Variants in SMYD3 observed in about 807,000 individuals in gnomAD.
SMYD3 encodes SET and MYND domain containing 3, also known as histone-lysine N-methyltransferase SMYD3.
Under a neutral mutation model 57.7 loss-of-function variants are expected in SMYD3, and 36 were observed. The observed-to-expected ratio is 0.62, with a 90% confidence interval of 0.48 to 0.82. SMYD3 has a LOEUF of 0.82. Among genes scored for constraint, SMYD3 ranks in the 40% least tolerant of loss-of-function variants. The pLI is 0.00. For synonymous variants in SMYD3, 211 were observed against 195.0 expected (o/e 1.08, Z -0.68); for missense variants, 515 against 538.8 (o/e 0.96, Z 0.44).
intron 5 of SMYD3, among the ~76,000 whole-genome samples, chr1:245,935,165 G>A (rs1435717432): frequency 1.3e-5 from 2 of 152,098 alleles, no homozygotes; most frequent in African/African-American, 4.8e-5. Context: ...ACGGATAAGA[G>A]GTTAATACCT....
intron 5 of SMYD3, among the ~76,000 whole-genome samples, chr1:246,152,560 G>A (rs564290313): frequency 6.6e-6 from 1 of 152,334 alleles, no homozygotes; most frequent in East Asian, 1.9e-4. Context: ...TTTACGCACT[G>A]AGTGAAGATT....
intron 10 of SMYD3, among the ~76,000 whole-genome samples, chr1:245,780,901 G>A (rs1461428254): frequency 1.3e-5 from 2 of 152,170 alleles, no homozygotes; most frequent in Non-Finnish European, 2.9e-5. Flanking sequence ...TCCATACAAT[G>A]TAAACTACTC....
intron 5 of SMYD3, among the ~76,000 whole-genome samples, chr1:246,259,312 T>G (rs1458648252): frequency 6.6e-6 from 1 of 152,226 alleles, no homozygotes; most frequent in Admixed American, 6.5e-5. Flanking sequence ...CTTGTGCTGA[T>G]TCTTTCTCAG....
At chr1:245,814,599 T>C (rs1314402954) in intron 10 of SMYD3, among the ~76,000 whole-genome samples, 1 of 152,192 alleles carries the variant, frequency 6.6e-6, no homozygotes, top group Non-Finnish European at 1.5e-5. Context: ...AACAACATCT[T>C]GATCTTCTGT....
At chr1:246,002,625 T>C (rs2059095333) in intron 5 of SMYD3, among the ~76,000 whole-genome samples, 1 of 120,052 alleles carries the variant, frequency 8.3e-6, no homozygotes, top group African/African-American at 3.1e-5. Context: ...GCTAATTTTT[T>C]GTATTTTTAG....
At chr1:246,238,891 TG>T (rs919126033) in intron 5 of SMYD3, among the ~76,000 whole-genome samples, 2 of 137,866 alleles carry the variant, frequency 1.5e-5, no homozygotes, top group African/African-American at 5.3e-5. Context: ...TTTCTTTGTT[TG>T]GTTTTTTTTT....
At position 246,335,528 on chromosome 1, in the gene SMYD3, T is replaced by C. The variant is rs941217928; in HGVS notation, c.229-54A>G. 8.4e-6 allele frequency: 12 copies of C among 1,420,408 alleles called. No individual in the cohort carries two copies. In the African/African-American group the frequency reaches 1.6e-4, roughly 18 times the overall value. The allele number at this position is 1,420,408 out of a possible 1,614,324, so 88.0% of individuals were successfully genotyped here. A position where few individuals can be genotyped will look rare whatever the true frequency, so the allele number is the denominator to read the frequency against. On this transcript the variant is annotated intron_variant, in intron 2 of 11. Transcript: ENST00000490107. ...GGTGACCTAAAATTTAACTTTCATT[T>C]ATACTGGTTTTGAACATCAAGAGTC...
intron 1 of SMYD3, among the ~76,000 whole-genome samples, chr1:246,384,052 A>G (rs1933130): frequency 0.017 from 2,619 of 152,314 alleles, 180 homozygotes; most frequent in Admixed American, 0.13. Context: ...CATTAAAAAA[A>G]AGGAGGATGG....
At chr1:246,044,543 A>G (rs965179504) in intron 5 of SMYD3, among the ~76,000 whole-genome samples, 4 of 152,138 alleles carry the variant, frequency 2.6e-5, no homozygotes, top group African/African-American at 9.7e-5. Context: ...GCTCCGTCTC[A>G]TGCTTGGCAG....
chr1:246,405,076 C>T (rs1558448029), intron 1 of SMYD3, among the ~76,000 whole-genome samples: 1 of 152,050 alleles, frequency 6.6e-6, no homozygotes, highest in Admixed American at 6.5e-5. Context: ...CTCAGCCTCC[C>T]AAGTAGCTGG....
At chr1:245,953,687 G>A (rs1347423607) in intron 5 of SMYD3, among the ~76,000 whole-genome samples, 2 of 151,978 alleles carry the variant, frequency 1.3e-5, no homozygotes, top group Non-Finnish European at 2.9e-5. Context: ...CCAAAGTGCC[G>A]GGATCACAGG....
chr1:246,221,705 T>C (rs2063257300), intron 5 of SMYD3, among the ~76,000 whole-genome samples: 1 of 152,220 alleles, frequency 6.6e-6, no homozygotes, highest in Non-Finnish European at 1.5e-5. Flanking sequence ...GCAGCTGGTG[T>C]GTCTGACCGC....
chr1:246,415,173 C>A (rs2067041292), intron 1 of SMYD3, among the ~76,000 whole-genome samples: 1 of 152,110 alleles, frequency 6.6e-6, no homozygotes, highest in South Asian at 2.1e-4. Context: ...AACTAACAAA[C>A]CCCTGGAATT....
intron 11 of SMYD3, among the ~76,000 whole-genome samples, chr1:245,756,470 T>C (rs2045610508): frequency 6.6e-6 from 1 of 152,130 alleles, no homozygotes; most frequent in South Asian, 2.1e-4. Context: ...TTCCTGATGT[T>C]CCAAGAGCTT....
intron 5 of SMYD3, among the ~76,000 whole-genome samples, chr1:246,031,105 ACAT>A (rs1487863180): frequency 6.6e-6 from 1 of 152,214 alleles, no homozygotes; most frequent in Non-Finnish European, 1.5e-5. Context: ...ACTTGCTTAT[ACAT>A]AAAGTGAGGG....
At chr1:246,356,705 A>AG (rs1373944186) in intron 1 of SMYD3, among the ~76,000 whole-genome samples, 1 of 152,242 alleles carries the variant, frequency 6.6e-6, no homozygotes, top group Admixed American at 6.5e-5. Flanking sequence ...CTGAGCTTGA[A>AG]GACAAGTCTT....
intron 10 of SMYD3, among the ~76,000 whole-genome samples, chr1:245,824,369 A>G (rs1392839754): frequency 1.3e-5 from 2 of 152,242 alleles, no homozygotes; most frequent in East Asian, 1.9e-4. Context: ...GAAACGACAC[A>G]TGAAAGGAAG....
intron 10 of SMYD3, among the ~76,000 whole-genome samples, chr1:245,795,887 A>G (rs1448079957): frequency 6.6e-6 from 1 of 152,150 alleles, no homozygotes; most frequent in Admixed American, 6.6e-5. Context: ...CAGCCTTTTA[A>G]TTTCAGCTTA....
At chr1:246,446,142 A>G (rs1212444501) in intron 1 of SMYD3, among the ~76,000 whole-genome samples, 1 of 152,220 alleles carries the variant, frequency 6.6e-6, no homozygotes, top group East Asian at 1.9e-4. Flanking sequence ...AAGACCAAGT[A>G]TTGAAATAGT....
Sources: allele counts gnomAD v4.1 joint callset (sites outside exome capture counted in the v4.1 genomes callset), GRCh38; gene constraint gnomAD v4.1.1; transcripts MANE v1.5; gene names NCBI Gene and HGNC (gene_info 2026-07-23, HGNC 2026-07-21).